The following PINLYP variants were observed in gnomAD, a reference collection of about 807,000 sequenced individuals.
PINLYP encodes the protein phospholipase A2 inhibitor and LY6/PLAUR domain containing.
A neutral mutation model predicts 15.8 loss-of-function variants in PINLYP; 12 were observed. That is an observed-to-expected ratio of 0.76 (90% CI 0.49 to 1.23). The LOEUF is 1.23. PINLYP is among the 50% of genes most tolerant of loss of function. The pLI, the probability that PINLYP is intolerant of heterozygous loss-of-function variation, is 0.00. For synonymous variants in PINLYP, 93 were observed against 97.7 expected (o/e 0.95, Z 0.28); for missense variants, 278 against 264.2 (o/e 1.05, Z -0.36).
At chr19:43,581,152 C>G in intron 3 of PINLYP, 60 bp from the exon 4 acceptor site, 2 of 1,509,612 alleles carry the variant, frequency 1.3e-6, no homozygotes, top group Non-Finnish European at 1.8e-6. Context: ...GACCTTGAGG[C>G]AGGGGTTGAA....
At chr19:43,580,076 G>A (rs575008956) in intron 3 of PINLYP, among the ~76,000 whole-genome samples, 15 of 152,288 alleles carry the variant, frequency 9.8e-5, no homozygotes, top group African/African-American at 3.4e-4. Flanking sequence ...GAGGCCTGGT[G>A]AGGGAATAAA....
In PINLYP at chr19:43,581,274, G is replaced by A. The variant is rs910046492; in HGVS notation, c.250G>A (p.Val84Ile). The change falls in exon 4 of 6, where the codon GTT (valine) becomes ATT (isoleucine). Residue 84 changes from valine to isoleucine, a missense_variant. Physicochemically the swap from Val to Ile is conservative, Grantham distance 29 (BLOSUM62 3). Coordinates refer to ENST00000599207, the Ensembl canonical transcript of PINLYP. ...CAGGTCCCAGGACTGCTACTCCGGC[G>A]TTATATCCACCACCATGGGCCCCAA... 24 of 1,537,138 alleles carry A rather than the reference G, an allele frequency of 1.6e-5. No homozygotes were observed. In the Admixed American group the frequency reaches 3.9e-4, roughly 25 times the overall value.
rs1972868333 is a variant in PINLYP, at chr19:43,576,641, G to A, written c.-356G>A. On this transcript the variant is annotated 5_prime_UTR_variant, in exon 1 of 6. It adds an upstream start codon to the 5' untranslated region. Coordinates refer to ENST00000599207, the Ensembl canonical transcript of PINLYP. Reference sequence around the variant, plus strand: ...TGGAGACCCAAGGGTGCAGCCCTGGGTGGGGTCGCAGCTGGAGACAGCCCA... The same window carrying A: ...TGGAGACCCAAGGGTGCAGCCCTGGATGGGGTCGCAGCTGGAGACAGCCCA... 1.3e-5 allele frequency among the ~76,000 whole-genome samples: 2 copies of A among 152,310 alleles called. No individual in the cohort carries two copies. Among genetic ancestry groups the A allele is most frequent in the African/African-American group, 2.4e-5 (1 of 41,564 alleles).
exon 3 of PINLYP, chr19:43,578,639 T>C (rs12608635): frequency 0.34 from 528,135 of 1,535,434 alleles, 92,651 homozygotes; most frequent in Non-Finnish European, 0.36. Context: ...GCAGGTGCCA[T>C]GGCCAAATGA....
At chr19:43,577,310 GGTCCCAGATT>G (rs1266064338) in intron 2 of PINLYP, 49 bp downstream of exon 2, 9 of 1,514,274 alleles carry the variant, frequency 5.9e-6, no homozygotes, top group African/African-American at 2.8e-5. Flanking sequence ...GGAAGAGAGA[GGTCCCAGATT>G]GAGAGAGAGA....
intron 3 of PINLYP, chr19:43,580,976 G>C: frequency 2.2e-6 from 1 of 457,316 alleles, no homozygotes; most frequent in Middle Eastern, 5.8e-4. Flanking sequence ...GGTGGCGGTC[G>C]CCTGTGATCG....
rs1212782511 is a variant in PINLYP, at chr19:43,581,556, T to C, written c.341-7T>C. 33 of 1,533,868 alleles carry C rather than the reference T, an allele frequency of 2.2e-5. No homozygotes were observed. Among genetic ancestry groups the C allele is most frequent in the Non-Finnish European group, 2.8e-5 (32 of 1,145,670 alleles). ...CTATTCACCTTACACTTCATCCTCA[T>C]CCTCAGTTCCCTTGACCAATCTTAC... On this transcript the variant is annotated splice_region_variant and splice_polypyrimidine_tract_variant and intron_variant, in intron 4 of 5. Coordinates refer to ENST00000599207, the Ensembl canonical transcript of PINLYP.
At chr19:43,580,368 A>T in intron 3 of PINLYP, 1 of 237,912 alleles carries the variant, frequency 4.2e-6, no homozygotes, top group Non-Finnish European at 6.8e-6. Context: ...AACCCACCTT[A>T]AACAAGACCT....
At chr19:43,576,464 G>A (rs569769855) in exon 1 of PINLYP, among the ~76,000 whole-genome samples, 1 of 149,462 alleles carries the variant, frequency 6.7e-6, no homozygotes, top group African/African-American at 2.5e-5. Flanking sequence ...CAAAGCATGT[G>A]CCCAACCCCC....
Position 43,578,690 on chromosome 19 carries a change from C to T in PINLYP, c.171C>T (p.Val57=), listed in dbSNP as rs1291321133. 3.1e-5 allele frequency: 48 copies of T among 1,535,594 alleles called. No individual in the cohort carries two copies. The East Asian group carries it at 1.0e-3, about 32-fold the overall frequency. The change falls in exon 3 of 6, where the codon GTC becomes GTT. Residue 57 remains valine, a synonymous_variant. Transcript: ENST00000599207. ...ACAAGGACACATGTGTGCTCCTGGT[C>T]GGGAAGGCTACTTCAAGTAAGAGGA...
At chr19:43,582,056 G>A in exon 6 of PINLYP, 2 of 1,523,474 alleles carry the variant, frequency 1.3e-6, no homozygotes, top group Non-Finnish European at 1.8e-6. Flanking sequence ...TTTGTCCTCA[G>A]CCTGTAACTC....
At chr19:43,577,210 C>T in exon 2 of PINLYP, 1 of 1,536,086 alleles carries the variant, frequency 6.5e-7, no homozygotes, top group South Asian at 1.2e-5. Flanking sequence ...CTCCAGGAGA[C>T]CAGAGACCTT....
intron 3 of PINLYP, among the ~76,000 whole-genome samples, chr19:43,580,823 C>T (rs906518907): frequency 6.6e-6 from 1 of 152,154 alleles, no homozygotes; most frequent in Non-Finnish European, 1.5e-5. Flanking sequence ...CCCGGCCGGG[C>T]TGGCGCAGTG....
At chr19:43,581,809 G>A in intron 5 of PINLYP, 59 bp from the exon 6 acceptor site, 1 of 1,535,068 alleles carries the variant, frequency 6.5e-7, no homozygotes, top group Non-Finnish European at 8.7e-7. Flanking sequence ...GATGTGTTCT[G>A]GGATTATGAG....
intron 2 of PINLYP, among the ~76,000 whole-genome samples, 198 bp downstream of exon 2, chr19:43,577,459 G>A (rs1972880429): frequency 6.6e-6 from 1 of 152,086 alleles, no homozygotes; most frequent in Non-Finnish European, 1.5e-5. Context: ...GAGAAGAAAA[G>A]CTCCTGTGAT....
intron 3 of PINLYP, 126 bp downstream of exon 3, chr19:43,578,832 A>G (rs1600066435): frequency 1.4e-6 from 1 of 698,130 alleles, no homozygotes; most frequent in East Asian, 2.8e-5. Flanking sequence ...ATCAGTGGAG[A>G]GCAGGAAAGA....
At chr19:43,576,503 C>T (rs1972865947) in exon 1 of PINLYP, among the ~76,000 whole-genome samples, 1 of 152,118 alleles carries the variant, frequency 6.6e-6, no homozygotes, top group Non-Finnish European at 1.5e-5. Flanking sequence ...CACCCCTATC[C>T]TGGAGTTCTT....
At chr19:43,582,025 T>TC (rs1568523678) in exon 6 of PINLYP, 1 of 1,535,030 alleles carries the variant, frequency 6.5e-7, no homozygotes, top group African/African-American at 1.4e-5. Context: ...CAGAGGAAGA[T>TC]AATGTAGTGT....
chr19:43,580,948 A>C, intron 3 of PINLYP: 1 of 383,620 alleles, frequency 2.6e-6, no homozygotes, highest in Non-Finnish European at 4.5e-6. Flanking sequence ...TTAAAAATAC[A>C]AAAAAATAGC....
Sources: gnomAD v4.1 joint callset for allele counts (sites outside exome capture counted in the v4.1 genomes callset) on GRCh38, gnomAD v4.1.1 for gene constraint, MANE v1.5 for transcripts, NCBI Gene and HGNC (gene_info 2026-07-23, HGNC 2026-07-21) for gene names.